Variants in AUTS2 observed in about 807,000 individuals in gnomAD.
AUTS2 encodes activator of transcription and developmental regulator AUTS2, also known as autism susceptibility gene 2 protein.
A neutral mutation model predicts 112.4 loss-of-function variants in AUTS2; 17 were observed. The observed-to-expected ratio is 0.15, with a 90% CI of 0.10 to 0.23. The LOEUF (loss-of-function observed/expected upper bound fraction) is 0.23. Among genes scored for constraint, AUTS2 ranks in the 10% least tolerant of loss-of-function variants. The pLI is 1.00. For missense variants in AUTS2, 1,510 were observed against 1,701.6 expected (o/e 0.89, Z 1.98); for synonymous variants, 751 against 702.7 (o/e 1.07, Z -1.09).
chr7:69,807,105 GGAAAT>G (rs1184355187), intron 1 of AUTS2, among the ~76,000 whole-genome samples: 1 of 152,080 alleles, frequency 6.6e-6, no homozygotes, highest in Non-Finnish European at 1.5e-5. Flanking sequence ...ACAGTATCAT[GGAAAT>G]GAAATGAATC....
rs1171007753 is a variant in AUTS2, at chr7:70,694,246, C to G, written c.691-4323C>G. 1 of 149,574 alleles carries G rather than the reference C, an allele frequency of 6.7e-6. No individual in the cohort carries two copies. The highest frequency in any genetic ancestry group is 1.5e-5 in the Non-Finnish European group (1 of 67,044). The allele number at this position is 149,574 out of a possible 1,614,324, so 9.3% of individuals were successfully genotyped here. On this transcript the variant is annotated intron_variant, in intron 5 of 18. Coordinates refer to ENST00000342771, the MANE Select transcript of AUTS2 (RefSeq NM_015570.4). This position sits in a 1 kb window ranked among gnomAD's most constrained non-coding sequence, Gnocchi z 4.1. ...CCGCAAGCCGAGCGCGGGCCGGAGC[C>G]CAGCCAGCCCCGGGCGCTCACCCGC...
At chr7:70,095,286 T>C (rs1330258956) in intron 2 of AUTS2, among the ~76,000 whole-genome samples, 1 of 152,128 alleles carries the variant, frequency 6.6e-6, no homozygotes. Context: ...GTGCGTGCGC[T>C]CACGTGTGCG....
chr7:70,721,862 A>T (rs909849439), intron 6 of AUTS2, among the ~76,000 whole-genome samples: 1 of 152,128 alleles, frequency 6.6e-6, no homozygotes, highest in African/African-American at 2.4e-5. Flanking sequence ...AGTCATTTCA[A>T]TGTTAAAAGT....
intron 6 of AUTS2, among the ~76,000 whole-genome samples, chr7:70,706,792 C>T (rs1334405666): frequency 6.6e-6 from 1 of 152,126 alleles, no homozygotes; most frequent in African/African-American, 2.4e-5. Context: ...CAGTGATTTG[C>T]AAAGAATAAT....
At chr7:69,831,240 T>A (rs1255136575) in intron 1 of AUTS2, among the ~76,000 whole-genome samples, 2 of 152,150 alleles carry the variant, frequency 1.3e-5, no homozygotes, top group African/African-American at 4.8e-5. Context: ...GCAATTAGAA[T>A]TAGGGAGCAA....
chr7:69,678,468 C>T (rs1286683815), intron 1 of AUTS2, among the ~76,000 whole-genome samples: 2 of 151,958 alleles, frequency 1.3e-5, no homozygotes, highest in Non-Finnish European at 2.9e-5. Flanking sequence ...TATGGTAAGT[C>T]GTGGTTTCTC....
intron 4 of AUTS2, among the ~76,000 whole-genome samples, chr7:70,251,097 C>T (rs1469473395): frequency 1.3e-5 from 2 of 151,830 alleles, no homozygotes; most frequent in Non-Finnish European, 2.9e-5. Context: ...CGGAGTCTCA[C>T]TCTGTCGCTT....
chr7:70,331,441 CTTAT>C (rs1434458870), intron 4 of AUTS2, among the ~76,000 whole-genome samples: 1 of 151,240 alleles, frequency 6.6e-6, no homozygotes, highest in East Asian at 1.9e-4. Context: ...TCTCTCTTTT[CTTAT>C]TTATTAGTCT....
At chr7:70,077,196 A>G (rs568652851) in intron 2 of AUTS2, among the ~76,000 whole-genome samples, 23 of 151,802 alleles carry the variant, frequency 1.5e-4, no homozygotes, top group African/African-American at 5.3e-4. Context: ...TATTGTAGAC[A>G]TCTGTTGCTG....
At chr7:70,767,193 A>G (rs1336339627) in intron 9 of AUTS2, among the ~76,000 whole-genome samples, 1 of 152,224 alleles carries the variant, frequency 6.6e-6, no homozygotes, top group Non-Finnish European at 1.5e-5. Context: ...AATAAATTGC[A>G]TGATTTTAAA....
chr7:70,614,011 G>A (rs1375591773), intron 5 of AUTS2, among the ~76,000 whole-genome samples: 9 of 152,226 alleles, frequency 5.9e-5, no homozygotes. Context: ...TAGTTAGTGG[G>A]TGGCGGCTAA....
chr7:70,537,600 G>C (rs1205274526), intron 5 of AUTS2, among the ~76,000 whole-genome samples: 1 of 152,142 alleles, frequency 6.6e-6, no homozygotes, highest in African/African-American at 2.4e-5. Flanking sequence ...CTGTTGCTAC[G>C]ATAGGAGCGG....
intron 1 of AUTS2, among the ~76,000 whole-genome samples, chr7:69,609,130 C>G (rs1352664263): frequency 6.6e-6 from 1 of 152,184 alleles, no homozygotes; most frequent in Non-Finnish European, 1.5e-5. Flanking sequence ...TTGACCTGTT[C>G]AAGATCACAC....
intron 5 of AUTS2, among the ~76,000 whole-genome samples, chr7:70,577,582 A>C (rs1802224518): frequency 6.6e-6 from 1 of 152,202 alleles, no homozygotes; most frequent in Non-Finnish European, 1.5e-5. Context: ...ATAAATTGAC[A>C]TTGGCTTGTC....
At chr7:69,690,664 C>T (rs973505763) in intron 1 of AUTS2, among the ~76,000 whole-genome samples, 5 of 152,140 alleles carry the variant, frequency 3.3e-5, no homozygotes, top group Admixed American at 1.3e-4. Context: ...CTTGGAGACT[C>T]CAGGAACCAC....
chr7:70,328,903 T>C (rs1239137644), intron 4 of AUTS2, among the ~76,000 whole-genome samples: 2 of 152,190 alleles, frequency 1.3e-5, no homozygotes, highest in East Asian at 3.8e-4. Context: ...TTTTCATCAC[T>C]CCAGAGTAAA....
In AUTS2 at chr7:70,764,814, C is replaced by A. The variant is rs1269557612; in HGVS notation, c.1277C>A (p.Pro426His). ...GCCCCACCTCACATCTCCCACCACC[C>A]CTCTGCCTCCCCGTTCCCCCTCTCC... ...QPAPPHISHH[P>H]SASPFPLSLP... Residue 426 changes from proline (P) to histidine (H), a missense_variant, in exon 8 of 19, where the codon CCC becomes CAC. Physicochemically the swap from Pro to His is moderately conservative, Grantham distance 77. Coordinates refer to ENST00000342771, the MANE Select transcript of AUTS2 (RefSeq NM_015570.4). 1 of 1,046,542 alleles carries A rather than the reference C, an allele frequency of 9.6e-7. No homozygotes were observed. The highest frequency in any genetic ancestry group is 2.0e-5 in the Admixed American group (1 of 50,386). 64.8% of individuals were successfully genotyped at this position (1,046,542 alleles called of 1,614,324 possible). A position where few individuals can be genotyped will look rare whatever the true frequency, so the allele number is the denominator to read the frequency against.
chr7:69,670,430 A>G (rs561260431), intron 1 of AUTS2, among the ~76,000 whole-genome samples: 13 of 152,224 alleles, frequency 8.5e-5, no homozygotes, highest in Non-Finnish European at 1.3e-4. Flanking sequence ...AATAGACTCA[A>G]GAGTGAAAGA....
chr7:70,497,656 A>T (rs1015347791), intron 5 of AUTS2, among the ~76,000 whole-genome samples: 7 of 152,150 alleles, frequency 4.6e-5, no homozygotes, highest in Non-Finnish European at 1.0e-4. Flanking sequence ...CATTCCCCTT[A>T]TTTTAAAGCT....
Sources: gnomAD v4.1 joint callset for allele counts (sites outside exome capture counted in the v4.1 genomes callset) on GRCh38, gnomAD v4.1.1 for gene constraint, Gnocchi (gnomAD v3.1) non-coding constraint, MANE v1.5 for transcripts, NCBI Gene and HGNC (gene_info 2026-07-23, HGNC 2026-07-21) for gene names.